The following ZSWIM8 variants were observed in gnomAD, a reference collection of about 807,000 sequenced individuals.
The protein encoded by ZSWIM8 is zinc finger SWIM-type containing 8.
Under a neutral mutation model 173.7 loss-of-function variants are expected in ZSWIM8, and 27 were observed. The ratio of observed to expected loss-of-function variants is 0.16; its 90% CI spans 0.11 to 0.21. The LOEUF is 0.21. Among genes scored for constraint, ZSWIM8 ranks in the 10% least tolerant of loss-of-function variants. The probability of loss-of-function intolerance (pLI) is 1.00; values close to 1 mark genes in which losing one functional copy is unlikely to be tolerated. For missense variants in ZSWIM8, 1,627 were observed against 2,428.8 expected, an observed-to-expected ratio of 0.67 and a Z score of 6.94; for synonymous variants, 958 against 962.0, an observed-to-expected ratio of 1.00 and a Z score of 0.08.
At position 73,796,824 on chromosome 10, in the gene ZSWIM8, G is replaced by T. The variant is rs1314643176; in HGVS notation, c.3084G>T (p.Thr1028=). Residue 1028 remains threonine, a synonymous_variant, in exon 16 of 26, where the codon ACG becomes ACT. Transcript: ENST00000604729. ...DRESQTHKPQ[T]LSSFYSSSRP... ...AGAGCCAGACACATAAGCCACAGAC[G>T]CTGAGTTCTTTCTACTCATCTAGCC... 1 of 1,613,978 alleles carries T rather than the reference G, an allele frequency of 6.2e-7. No individual in the cohort carries two copies.
rs2083744237 is a variant in ZSWIM8 at position 73,797,910 on chromosome 10, C to T, written c.3792C>T (p.Ser1264=). 1.2e-6 allele frequency: 2 copies of T among 1,613,896 alleles called. No individual in the cohort carries two copies. Among genetic ancestry groups the T allele is most frequent in the African/African-American group, 1.3e-5 (1 of 74,920 alleles). ...AGGCAGGGGGCAACAGCAGCACTTC[C>T]ATTTTCACACATCCATCTTCCTCAG... The part of the protein sequence containing the change: ...LIKAGGNSST[S]IFTHPSSSGG... Residue 1264 remains serine, a synonymous_variant, in exon 19 of 26, where the codon TCC becomes TCT. Transcript: ENST00000604729. This position sits in a 1 kb window ranked among gnomAD's most constrained non-coding sequence, Gnocchi z 5.6.
intron 7 of ZSWIM8, among the ~76,000 whole-genome samples, chr10:73,790,774 G>A (rs747308263): frequency 9.2e-5 from 14 of 152,124 alleles, no homozygotes; most frequent in South Asian, 2.1e-4. Flanking sequence ...GCTTGAACCC[G>A]GGAGGTGGAG....
Position 73,797,232 on chromosome 10 carries a change from G to A in ZSWIM8, c.3394G>A (p.Gly1132Arg). The A allele has an allele frequency of 1.2e-6, 2 of 1,613,988 alleles. No individual in the cohort carries two copies. The highest frequency in any genetic ancestry group is 2.2e-5 in the South Asian group (2 of 91,090). ...CAGTCGTGGAGGCTATAATGGACGG[G>A]GATGGGGGTCCCCAGGACGGCCTAA... Reference protein sequence around the residue: ...LGSRGGYNGRGWGSPGRPKKK... With the variant: ...LGSRGGYNGRRWGSPGRPKKK... Residue 1132 changes from glycine to arginine, a missense_variant, in exon 17 of 26, where the codon GGA (glycine) becomes AGA (arginine). By Grantham distance (125) the Gly-to-Arg change is moderately radical. Coordinates refer to ENST00000604729, the MANE Select transcript of ZSWIM8 (RefSeq NM_001367799.1). This position sits in a 1 kb window ranked among gnomAD's most constrained non-coding sequence, Gnocchi z 5.6.
At position 73,792,491 on chromosome 10, in the gene ZSWIM8, G is replaced by A. The variant is rs758491796; in HGVS notation, c.1952G>A (p.Gly651Asp). 3 of 1,612,942 alleles carry A rather than the reference G, an allele frequency of 1.9e-6. No individual in the cohort carries two copies. The South Asian group carries it at 3.3e-5, about 18-fold the overall frequency. ...AGCCCTCCACCCTGTCCTCTCCACG[G>A]TGGCTCCCGAGGCCCTTCCACTTTC... ...PESPPPCPLH[G>D]GSRGPSTFLP... Residue 651 changes from glycine (G) to aspartate (D), a missense_variant, in exon 10 of 26, where the codon GGT becomes GAT. Coordinates refer to ENST00000604729, the MANE Select transcript of ZSWIM8 (RefSeq NM_001367799.1). This position sits in a 1 kb window ranked among gnomAD's most constrained non-coding sequence, Gnocchi z 4.3.
Position 73,785,655 on chromosome 10 carries a change from T to A in ZSWIM8, c.-224T>A, listed in dbSNP as rs1251996086. ...GAGCGCTTCGTCCCGGCCCTAAGTC[T>A]CGGAGACTGGCCAAGATCACCGCTT... is the stretch of plus-strand genomic sequence containing the variant. On this transcript the variant is annotated 5_prime_UTR_variant, in exon 1 of 26. Transcript: ENST00000604729. 8 of 619,966 alleles carry A rather than the reference T, an allele frequency of 1.3e-5. No individual in the cohort carries two copies. The highest frequency in any genetic ancestry group is 1.2e-4 in the South Asian group (8 of 64,364). The allele number at this position is 619,966 out of a possible 1,614,324, so 38.4% of individuals were successfully genotyped here.
In ZSWIM8 at chr10:73,790,154, ACTGC is replaced by A. The variant is rs746426730; in HGVS notation, c.821-14_821-11del. 7.4e-6 allele frequency: 12 copies of A among 1,611,016 alleles called. No homozygotes were observed. In the Admixed American group the frequency reaches 2.0e-4, roughly 27 times the overall value. ...CCAGGCCCCTATCTCTAGATGACTG[ACTGC>A]CTGTCATCCTCAGACCCCACAGCAG... On this transcript the variant is annotated splice_polypyrimidine_tract_variant and intron_variant, in intron 6 of 25. Transcript: ENST00000604729.
intron 14 of ZSWIM8, chr10:73,794,885 C>A (rs1589575261): frequency 4.5e-6 from 1 of 224,142 alleles, no homozygotes; most frequent in Non-Finnish European, 8.5e-6. Context: ...CTCAGGAGTT[C>A]ATGACCAGCC....
Position 73,797,706 on chromosome 10 carries a change from T to C in ZSWIM8, c.3663-75T>C. On this transcript the variant is annotated intron_variant, in intron 18 of 25. Coordinates refer to ENST00000604729, the MANE Select transcript of ZSWIM8 (RefSeq NM_001367799.1). This position sits in a 1 kb window ranked among gnomAD's most constrained non-coding sequence, Gnocchi z 5.6. ...TGTCTCCCAGCATCCTCACTTTCCC[T>C]GGTCCTTCCCAACCTACCCGGATGC... The C allele has an allele frequency of 6.4e-7, 1 of 1,565,982 alleles. No homozygotes were observed. Among genetic ancestry groups the C allele is most frequent in the African/African-American group, 1.4e-5 (1 of 73,938 alleles).
At position 73,800,871 on chromosome 10, in the gene ZSWIM8, A is replaced by G. The variant is rs1245929469; in HGVS notation, c.5122+112A>G. ...CTCAGAGTTGAGGCCTTGGTCGGGT[A>G]TGTGTGCGTGCGCGGGGGGCGGAGG... is the stretch of plus-strand genomic sequence containing the variant. On this transcript the variant is annotated intron_variant, in intron 24 of 25. Coordinates refer to ENST00000604729, the MANE Select transcript of ZSWIM8 (RefSeq NM_001367799.1). This position sits in a 1 kb window ranked among gnomAD's most constrained non-coding sequence, Gnocchi z 4.1. The G allele has an allele frequency of 1.7e-6, 2 of 1,168,782 alleles. No individual in the cohort carries two copies. The highest frequency in any genetic ancestry group is 2.4e-6 in the Non-Finnish European group (2 of 826,234). 72.4% of individuals were successfully genotyped at this position (1,168,782 alleles called of 1,614,324 possible).
At chr10:73,788,533 G>A (rs1265790943) in intron 1 of ZSWIM8, 137 bp from the exon 2 acceptor site, 5 of 1,079,312 alleles carry the variant, frequency 4.6e-6, no homozygotes, top group Non-Finnish European at 1.3e-6. Flanking sequence ...GGGATCCCTA[G>A]GACTTTCATC....
Position 73,801,730 on chromosome 10 carries a change from G to T in ZSWIM8, c.*211G>T. 1 of 1,528,776 alleles carries T rather than the reference G, an allele frequency of 6.5e-7. No individual in the cohort carries two copies. The highest frequency in any genetic ancestry group is 8.7e-7 in the Non-Finnish European group (1 of 1,143,426). The allele number at this position is 1,528,776 out of a possible 1,614,324, so 94.7% of individuals were successfully genotyped here. A position where few individuals can be genotyped will look rare whatever the true frequency, so the allele number is the denominator to read the frequency against. On this transcript the variant is annotated 3_prime_UTR_variant, in exon 26 of 26. Transcript: ENST00000604729. This position sits in a 1 kb window ranked among gnomAD's most constrained non-coding sequence, Gnocchi z 4.9. ...GGGGAGACAGCCCTGTCTGGGAGGG[G>T]GCGTTGGGTGGCCTCTGGTATTTAT...
chr10:73,798,786 A>G (rs2083784472), intron 20 of ZSWIM8, among the ~76,000 whole-genome samples: 1 of 152,184 alleles, frequency 6.6e-6, no homozygotes, highest in South Asian at 2.1e-4. Flanking sequence ...TTAGTTTGGA[A>G]CTGGGACTAT....
rs780878579 is a variant in ZSWIM8, at chr10:73,800,624, C to CT, written c.5003-14dup. 3 of 1,549,044 alleles carry CT rather than the reference C, an allele frequency of 1.9e-6. No homozygotes were observed. Among genetic ancestry groups the CT allele is most frequent in the Non-Finnish European group, 2.6e-6 (3 of 1,134,964 alleles). ...GGATACACCGTACCATGTGCCCACC[C>CT]TTATCTATCTCCCAGGAATGCTGGC... On this transcript the variant is annotated splice_polypyrimidine_tract_variant and intron_variant, in intron 23 of 25. Coordinates refer to ENST00000604729, the MANE Select transcript of ZSWIM8 (RefSeq NM_001367799.1). The surrounding 1 kb of genome is among the most constrained non-coding windows in gnomAD (Gnocchi z 4.1).
In ZSWIM8 at chr10:73,800,244, C is replaced by G. The variant is rs546617979; in HGVS notation, c.4826-52C>G. On this transcript the variant is annotated intron_variant, in intron 22 of 25. Coordinates refer to ENST00000604729, the MANE Select transcript of ZSWIM8 (RefSeq NM_001367799.1). The surrounding 1 kb of genome is among the most constrained non-coding windows in gnomAD (Gnocchi z 4.1). ...GCAGGGGAGGTGGGGAGGGAATGTTCTTTGTCTCTCTTTGGGCTCTGAGTT... is the reference window on the plus strand; with the variant it reads ...GCAGGGGAGGTGGGGAGGGAATGTTGTTTGTCTCTCTTTGGGCTCTGAGTT... 6.2e-7 allele frequency: 1 copy of G among 1,610,954 alleles called. No homozygotes were observed. Among genetic ancestry groups the G allele is most frequent in the Admixed American group, 1.7e-5 (1 of 59,930 alleles).
Position 73,794,250 on chromosome 10 carries a change from G to A in ZSWIM8, c.2729G>A (p.Arg910Gln), listed in dbSNP as rs766224261. The A allele has an allele frequency of 6.2e-7, 1 of 1,614,004 alleles. No individual in the cohort carries two copies. The highest frequency in any genetic ancestry group is 8.5e-7 in the Non-Finnish European group (1 of 1,179,890). The change falls in exon 13 of 26, where the codon CGG becomes CAG. Residue 910 changes from arginine (R) to glutamine (Q), a missense_variant. Physicochemically the swap from Arg to Gln is conservative, Grantham distance 43. Coordinates refer to ENST00000604729, the MANE Select transcript of ZSWIM8 (RefSeq NM_001367799.1). The stretch of plus-strand genomic sequence containing the variant: ...ATGCGGTGCCGGGCAGAGGAACTTC[G>A]GGAGGGGACACTCTGTGACTATCGG... ...STMRCRAEEL[R>Q]EGTLCDYRPV...
chr10:73,785,887 G>C lies in ZSWIM8; in HGVS notation c.9G>C (p.Leu3=), dbSNP rs1208840544. The C allele has an allele frequency of 6.5e-7, 1 of 1,540,370 alleles. No individual in the cohort carries two copies. Among genetic ancestry groups the C allele is most frequent in the African/African-American group, 1.4e-5 (1 of 72,044 alleles). Residue 3 remains leucine (L), a synonymous_variant, in exon 1 of 26, where the codon CTG becomes CTC. Transcript: ENST00000604729. ME[L]MFAEWEDGER... ...CGGGGGGTGCGGGCCCCATGGAGCTGATGTTTGCAGAGTGGGAGGACGGAG... is the reference window on the plus strand; with the variant it reads ...CGGGGGGTGCGGGCCCCATGGAGCTCATGTTTGCAGAGTGGGAGGACGGAG...
intron 14 of ZSWIM8, 74 bp downstream of exon 14, chr10:73,794,713 A>G: frequency 7.5e-7 from 1 of 1,336,360 alleles, no homozygotes; most frequent in Non-Finnish European, 1.0e-6. Flanking sequence ...CCTTGTTGTG[A>G]AGGGCTGTAT....
In ZSWIM8 at chr10:73,801,565, A is replaced by G. The variant is rs373036991; in HGVS notation, c.*46A>G. The G allele has an allele frequency of 6.9e-6, 11 of 1,601,104 alleles. No homozygotes were observed. The highest frequency in any genetic ancestry group is 4.5e-5 in the East Asian group (2 of 44,328). ...TATACAGGGACCCAGGCCTGTGGCT[A>G]TGGGGGCCCCTCACACAGGGGGAGT... On this transcript the variant is annotated 3_prime_UTR_variant, in exon 26 of 26. Transcript: ENST00000604729. This position sits in a 1 kb window ranked among gnomAD's most constrained non-coding sequence, Gnocchi z 4.9.
intron 1 of ZSWIM8, chr10:73,786,512 G>C (rs2083232662): frequency 6.0e-6 from 1 of 166,128 alleles, no homozygotes; most frequent in South Asian, 1.9e-4. Flanking sequence ...TAGAGGAAGA[G>C]AATGTGGGTA....
Sources: allele counts gnomAD v4.1 joint callset (sites outside exome capture counted in the v4.1 genomes callset), GRCh38; gene constraint gnomAD v4.1.1; non-coding constraint Gnocchi (gnomAD v3.1); transcripts MANE v1.5; gene names NCBI Gene and HGNC (gene_info 2026-07-23, HGNC 2026-07-21).